ZNF521: variants seen among roughly 807,000 people sequenced by gnomAD.
The protein encoded by ZNF521 is zinc finger protein 521.
In ZNF521, 14 loss-of-function variants were observed where a neutral mutation model predicts 105.5. The ratio of observed to expected loss-of-function variants is 0.13; its 90% confidence interval spans 0.09 to 0.21. The LOEUF (loss-of-function observed/expected upper bound fraction) is 0.21. Ranked by LOEUF, ZNF521 falls within the 10% of genes least tolerant of loss-of-function variation. The pLI, the probability that ZNF521 is intolerant of heterozygous loss-of-function variation, is 1.00. For synonymous variants in ZNF521, 635 were observed against 606.0 expected (o/e 1.05, Z -0.70); for missense variants, 1,233 against 1,629.7 (o/e 0.76, Z 4.19).
At chr18:25,337,771 G>C (rs1913971750) in intron 2 of ZNF521, among the ~76,000 whole-genome samples, 1 of 152,100 alleles carries the variant, frequency 6.6e-6, no homozygotes, top group Non-Finnish European at 1.5e-5. Flanking sequence ...TTGATCCCAT[G>C]TATATAAAAT....
intron 7 of ZNF521, among the ~76,000 whole-genome samples, chr18:25,067,835 G>T (rs2033109890): frequency 1.3e-5 from 2 of 152,120 alleles, no homozygotes; most frequent in African/African-American, 4.8e-5. Context: ...TCTGTGCTTT[G>T]TAACACTCTG....
chr18:25,081,613 G>A (rs1335080924), intron 7 of ZNF521, among the ~76,000 whole-genome samples: 1 of 152,094 alleles, frequency 6.6e-6, no homozygotes, highest in African/African-American at 2.4e-5. Context: ...CACAGATGAG[G>A]CATTTATTGT....
intron 5 of ZNF521, among the ~76,000 whole-genome samples, chr18:25,098,401 G>C (rs2033897325): frequency 6.6e-6 from 1 of 151,522 alleles, no homozygotes; most frequent in African/African-American, 2.4e-5. Context: ...GAGAAAACAT[G>C]GTGCCTACAA....
At position 25,238,378 on chromosome 18, in the gene ZNF521, T is replaced by A. The variant is rs532411562; in HGVS notation, c.221-10681A>T. Among the ~76,000 whole-genome samples, 4 of 152,326 alleles carry A rather than the reference T, an allele frequency of 2.6e-5. No homozygotes were observed. The East Asian group carries it at 7.7e-4, about 29-fold the overall frequency. On this transcript the variant is annotated intron_variant, in intron 3 of 7. Transcript: ENST00000361524. ...AAACCTATAACTCTCTGTTAACAAG[T>A]CATGACAGCCAATTTCTTAATTTGA...
At chr18:25,236,615 G>A (rs1255948671) in intron 3 of ZNF521, among the ~76,000 whole-genome samples, 6 of 151,990 alleles carry the variant, frequency 3.9e-5, no homozygotes, top group African/African-American at 1.4e-4. Flanking sequence ...AGACTCTACA[G>A]TAGGGCCAAT....
chr18:25,279,366 T>C (rs1325610085), intron 3 of ZNF521, among the ~76,000 whole-genome samples: 2 of 152,238 alleles, frequency 1.3e-5, no homozygotes, highest in Admixed American at 6.5e-5. Context: ...GGTTTGTGTG[T>C]AAACGAGCTT....
intron 4 of ZNF521, among the ~76,000 whole-genome samples, chr18:25,212,565 A>ATGTGTGTG (rs1555647942): frequency 4.4e-5 from 5 of 112,882 alleles, no homozygotes; most frequent in Admixed American, 9.1e-5. Context: ...ATATATATAT[A>ATGTGTGTG]TGTATAGAAA....
chr18:25,169,806 G>C (rs566610211), intron 5 of ZNF521, among the ~76,000 whole-genome samples: 4 of 152,156 alleles, frequency 2.6e-5, no homozygotes, highest in Non-Finnish European at 5.9e-5. Context: ...GAAAAACAGA[G>C]TAAGAGATCC....
chr18:25,219,193 AGTT>A (rs1299302380), intron 4 of ZNF521, among the ~76,000 whole-genome samples: 1 of 152,182 alleles, frequency 6.6e-6, no homozygotes, highest in Admixed American at 6.5e-5. Context: ...GGCTATTAGT[AGTT>A]AAGTTTTGAG....
intron 5 of ZNF521, among the ~76,000 whole-genome samples, chr18:25,124,664 T>G (rs1278765116): frequency 6.6e-6 from 1 of 152,188 alleles, no homozygotes; most frequent in Non-Finnish European, 1.5e-5. Context: ...TATTTTCAAT[T>G]GGAGAAACAA....
intron 5 of ZNF521, among the ~76,000 whole-genome samples, chr18:25,111,005 C>T (rs527710456): frequency 6.6e-6 from 1 of 152,154 alleles, no homozygotes; most frequent in South Asian, 2.1e-4. Flanking sequence ...TTAAGTGTTC[C>T]ACCCTCCTCA....
chr18:25,278,767 A>G (rs1910193764), intron 3 of ZNF521, among the ~76,000 whole-genome samples: 1 of 152,120 alleles, frequency 6.6e-6, no homozygotes, highest in Admixed American at 6.5e-5. Context: ...CTCTTTCTCC[A>G]CTTTTAACAA....
intron 2 of ZNF521, among the ~76,000 whole-genome samples, chr18:25,324,831 G>A (rs1913123883): frequency 6.6e-6 from 1 of 152,194 alleles, no homozygotes; most frequent in East Asian, 1.9e-4. Context: ...AAACATAGAA[G>A]AATGCATGAT....
chr18:25,248,127 T>C (rs567206391), intron 3 of ZNF521, among the ~76,000 whole-genome samples: 1 of 152,142 alleles, frequency 6.6e-6, no homozygotes, highest in Non-Finnish European at 1.5e-5. Context: ...CTACTTAAAG[T>C]CAGCTATCTT....
At chr18:25,123,005 G>C (rs766551998) in intron 5 of ZNF521, among the ~76,000 whole-genome samples, 1 of 152,018 alleles carries the variant, frequency 6.6e-6, no homozygotes, top group Non-Finnish European at 1.5e-5. Flanking sequence ...GATTCTATCT[G>C]CTTCTTAAGC....
chr18:25,270,028 A>ACCACTACT lies in ZNF521; in HGVS notation c.221-42339_221-42332dup, dbSNP rs1421238402. ...TGAAAAGATCAACAAAAAAAGATAG[A>ACCACTACT]CCACTACTCAGACTAATAAAAAAGA... On this transcript the variant is annotated intron_variant, in intron 3 of 7. Coordinates refer to ENST00000361524, the MANE Select transcript of ZNF521 (RefSeq NM_015461.3). Among the ~76,000 whole-genome samples the ACCACTACT allele has an allele frequency of 3.9e-5, 6 of 152,252 alleles. No homozygotes were observed. The East Asian group carries it at 1.2e-3, about 29-fold the overall frequency.
At chr18:25,189,644 C>A (rs776337303) in intron 5 of ZNF521, among the ~76,000 whole-genome samples, 2 of 152,160 alleles carry the variant, frequency 1.3e-5, no homozygotes, top group African/African-American at 2.4e-5. Context: ...AACTTAAAAT[C>A]ATCTGATTAT....
intron 5 of ZNF521, among the ~76,000 whole-genome samples, chr18:25,099,334 T>C (rs1386278667): frequency 1.3e-5 from 2 of 152,208 alleles, no homozygotes; most frequent in Non-Finnish European, 2.9e-5. Flanking sequence ...TTAAACCCTG[T>C]GCATATAACA....
At chr18:25,273,058 C>G (rs948497620) in intron 3 of ZNF521, among the ~76,000 whole-genome samples, 4 of 151,168 alleles carry the variant, frequency 2.6e-5, no homozygotes, top group Non-Finnish European at 2.9e-5. Flanking sequence ...AAAATCCTCT[C>G]TCTACAAAAA....
Sources: gnomAD v4.1 joint callset for allele counts (sites outside exome capture counted in the v4.1 genomes callset) on GRCh38, gnomAD v4.1.1 for gene constraint, MANE v1.5 for transcripts, NCBI Gene and HGNC (gene_info 2026-07-23, HGNC 2026-07-21) for gene names.